The following LRRC37A2 variants were observed in gnomAD, a reference collection of about 807,000 sequenced individuals.
LRRC37A2 encodes the protein leucine rich repeat containing 37 member A2.
Under a neutral mutation model 68.8 loss-of-function variants are expected in LRRC37A2, and 9 were observed. The ratio of observed to expected loss-of-function variants is 0.13; its 90% CI spans 0.08 to 0.23. The LOEUF is 0.23. Among genes scored for constraint, LRRC37A2 ranks in the 10% least tolerant of loss-of-function variants. LRRC37A2 has a pLI of 1.00. For missense variants in LRRC37A2, 168 were observed against 950.4 expected, an observed-to-expected ratio of 0.18 and a Z score of 10.82; for synonymous variants, 63 against 367.6, an observed-to-expected ratio of 0.17 and a Z score of 9.48.
chr17:46,755,185 A>C, the LRRC37A2 span: 1 of 681,074 alleles, frequency 1.5e-6, no homozygotes, highest in South Asian at 1.7e-5. Context: ...GTCAAGGAGC[A>C]GGTAACACAT....
chr17:46,782,484 C>G, the LRRC37A2 span, among the ~76,000 whole-genome samples: 1 of 152,186 alleles, frequency 6.6e-6, no homozygotes, highest in Non-Finnish European at 1.5e-5. Context: ...GCTCCACCCT[C>G]CACGGAAACT....
chr17:46,999,126 GAGA>G, the LRRC37A2 span, among the ~76,000 whole-genome samples: 1 of 152,144 alleles, frequency 6.6e-6, no homozygotes. Context: ...CTAAGTAATC[GAGA>G]AGGACACTTC....
chr17:46,901,371 A>G, the LRRC37A2 span, among the ~76,000 whole-genome samples: 3 of 152,128 alleles, frequency 2.0e-5, no homozygotes, highest in African/African-American at 7.2e-5. Context: ...CATGTTGGCC[A>G]GGCCGGTCTT....
the LRRC37A2 span, among the ~76,000 whole-genome samples, chr17:46,600,018 C>T: frequency 1.1e-4 from 6 of 53,874 alleles, no homozygotes; most frequent in Non-Finnish European, 6.6e-5. Flanking sequence ...AGTGCAGTGG[C>T]GCAGTCATAG....
At chr17:47,038,457 T>G in the LRRC37A2 span, among the ~76,000 whole-genome samples, 2 of 151,840 alleles carry the variant, frequency 1.3e-5, no homozygotes, top group African/African-American at 4.8e-5. Flanking sequence ...CTCTAAAAAT[T>G]TTTTTTAGTT....
At chr17:46,895,487 A>G in the LRRC37A2 span, among the ~76,000 whole-genome samples, 11 of 152,176 alleles carry the variant, frequency 7.2e-5, no homozygotes, top group Non-Finnish European at 1.5e-4. Flanking sequence ...GCTGATGTGA[A>G]GATTGAGATG....
At chr17:46,976,854 T>C in the LRRC37A2 span, among the ~76,000 whole-genome samples, 2 of 152,232 alleles carry the variant, frequency 1.3e-5, no homozygotes, top group African/African-American at 4.8e-5. Context: ...CCTGAGTCAC[T>C]GAAGGCTGCT....
chr17:46,867,995 G>A, the LRRC37A2 span, among the ~76,000 whole-genome samples: 1 of 152,122 alleles, frequency 6.6e-6, no homozygotes, highest in East Asian at 1.9e-4. Context: ...AAGGGGAGGA[G>A]GCGGCCGCTG....
At chr17:46,505,807 C>CTT in the LRRC37A2 span, among the ~76,000 whole-genome samples, 52 of 68,650 alleles carry the variant, frequency 7.6e-4, no homozygotes, top group African/African-American at 4.8e-3. Context: ...TAAACATTGT[C>CTT]TTTTTTTTTT....
the LRRC37A2 span, among the ~76,000 whole-genome samples, chr17:46,837,346 A>G: frequency 3.3e-5 from 5 of 152,188 alleles, no homozygotes; most frequent in Non-Finnish European, 7.4e-5. Flanking sequence ...TAACCTACTC[A>G]TGGAGCCAAA....
the LRRC37A2 span, among the ~76,000 whole-genome samples, chr17:46,609,656 A>G: frequency 2.0e-5 from 3 of 148,732 alleles, 1 homozygote; most frequent in African/African-American, 5.0e-5. Context: ...ACCTCTCAAT[A>G]TTAAGGACAC....
the LRRC37A2 span, among the ~76,000 whole-genome samples, chr17:46,834,893 C>CA: frequency 6.6e-6 from 1 of 152,168 alleles, no homozygotes; most frequent in South Asian, 2.1e-4. Flanking sequence ...AGAAGCATTC[C>CA]AAAAAATGGC....
chr17:46,770,139 C>G, the LRRC37A2 span: 12 of 1,444,178 alleles, frequency 8.3e-6, no homozygotes, highest in African/African-American at 1.4e-5. Flanking sequence ...GTGAGGGGAA[C>G]GAGGCCAGGA....
the LRRC37A2 span, chr17:46,408,963 A>G: frequency 4.1e-6 from 1 of 245,266 alleles, no homozygotes. Flanking sequence ...CAGTTTGACA[A>G]GAAATACATT....
At chr17:46,943,560 G>A in the LRRC37A2 span, among the ~76,000 whole-genome samples, 2 of 152,348 alleles carry the variant, frequency 1.3e-5, no homozygotes, top group East Asian at 3.9e-4. Context: ...CACGCTTCCT[G>A]CGGAATGGGA....
the LRRC37A2 span, among the ~76,000 whole-genome samples, chr17:46,842,805 A>G: frequency 1.3e-5 from 2 of 152,230 alleles, no homozygotes; most frequent in African/African-American, 4.8e-5. Flanking sequence ...TCCAGACAGA[A>G]GCTATGAGAA....
At chr17:46,893,535 T>G in the LRRC37A2 span, among the ~76,000 whole-genome samples, 5 of 152,172 alleles carry the variant, frequency 3.3e-5, no homozygotes, top group Non-Finnish European at 2.9e-5. Flanking sequence ...TAGGGTAGTC[T>G]AGCCCATATC....
the LRRC37A2 span, chr17:46,768,873 C>A: frequency 1.3e-6 from 2 of 1,567,700 alleles, no homozygotes; most frequent in Middle Eastern, 2.3e-4. The surrounding 1 kb of genome is among the most constrained non-coding windows in gnomAD (Gnocchi z 5.0). Flanking sequence ...CCCTCTCTGC[C>A]ACTGCCCACC....
the LRRC37A2 span, among the ~76,000 whole-genome samples, chr17:46,904,046 G>C: frequency 1.3e-5 from 2 of 150,394 alleles, no homozygotes; most frequent in African/African-American, 2.5e-5. Context: ...GGGTTAGATA[G>C]ATGAGTTGGT....
Sources: allele counts gnomAD v4.1 joint callset (sites outside exome capture counted in the v4.1 genomes callset), GRCh38; gene constraint gnomAD v4.1.1; non-coding constraint Gnocchi (gnomAD v3.1); transcripts MANE v1.5; gene names NCBI Gene and HGNC (gene_info 2026-07-23, HGNC 2026-07-21).